The following TOP3B variants were observed in gnomAD, a reference collection of about 807,000 sequenced individuals.
TOP3B encodes the protein DNA topoisomerase 3-beta-1.
In TOP3B, 45 loss-of-function variants were observed where a neutral mutation model predicts 93.9. That is an observed-to-expected ratio of 0.48 (90% confidence interval 0.38 to 0.61). The LOEUF (loss-of-function observed/expected upper bound fraction) is 0.61. Among genes scored for constraint, TOP3B ranks in the 20% least tolerant of loss-of-function variants. The probability of loss-of-function intolerance (pLI) is 0.00; values close to 1 mark genes in which losing one functional copy is unlikely to be tolerated. For missense variants in TOP3B, 750 were observed against 1,156.1 expected (o/e 0.65, Z 5.09); for synonymous variants, 357 against 472.6 (o/e 0.76, Z 3.17).
At chr22:21,960,084 G>A (rs901791975) in intron 14 of TOP3B, 14 of 668,160 alleles carry the variant, frequency 2.1e-5, no homozygotes, top group Admixed American at 8.9e-5. Context: ...AGGCAACTTC[G>A]CCTCCCTTTT....
chr22:21,972,321 A>G (rs923886570), intron 4 of TOP3B: 1 of 461,668 alleles, frequency 2.2e-6, no homozygotes, highest in South Asian at 3.9e-5. Flanking sequence ...AATTTTCCAT[A>G]ATCTGTATGC....
At position 21,965,297 on chromosome 22, in the gene TOP3B, TG is replaced by T; in HGVS notation, c.930del (p.Ser311AlafsTer40). Reference protein sequence around the residue: ...ALNTVEMLRVASSSLGMGPQH... With the variant: ...ALNTVEMLRVXSSSLGMGPQH... ...TGTCCCTACATACCCAGAGAAGAGCTGGCCACACGCAGCATCTCCACAGTGT... is the reference window on the plus strand; with the variant it reads ...TGTCCCTACATACCCAGAGAAGAGCTGCCACACGCAGCATCTCCACAGTGT... On this transcript the variant is annotated frameshift_variant, in exon 9 of 18. Transcript: ENST00000357179. LOFTEE classifies it high-confidence loss of function. 6.3e-7 allele frequency: 1 copy of T among 1,597,168 alleles called. No individual in the cohort carries two copies. The highest frequency in any genetic ancestry group is 1.1e-5 in the South Asian group (1 of 88,624).
intron 1 of TOP3B, chr22:21,982,471 A>T (rs1054407472): frequency 6.6e-6 from 1 of 152,194 alleles, no homozygotes; most frequent in Non-Finnish European, 1.5e-5. Flanking sequence ...TTCGAAGAAG[A>T]AAAGTATTAA....
At position 21,958,500 on chromosome 22, in the gene TOP3B, A is replaced by G; in HGVS notation, c.2099T>C (p.Met700Thr). The G allele has an allele frequency of 6.2e-7, 1 of 1,613,764 alleles. No homozygotes were observed. Among genetic ancestry groups the G allele is most frequent in the Non-Finnish European group, 8.5e-7 (1 of 1,179,958 alleles). Residue 700 changes from methionine to threonine, a missense_variant, in exon 17 of 18, where the codon ATG becomes ACG. Met to Thr is a moderately conservative substitution (Grantham distance 81). Transcript: ENST00000357179. ...GGAGTGGCTGCACTCACCTTTCTTC[A>G]TGTCTCGGAAGGGTGGGTGGTTGTA... ...YCYNHPPFRDMKKGMGCNECT... is the reference protein window; with the variant it reads ...YCYNHPPFRDTKKGMGCNECT...
chr22:21,959,135 G>T lies in TOP3B; in HGVS notation c.1902C>A (p.Ile634=), dbSNP rs767481149. 3 of 1,613,814 alleles carry T rather than the reference G, an allele frequency of 1.9e-6. No individual in the cohort carries two copies. Among genetic ancestry groups the T allele is most frequent in the Non-Finnish European group, 1.7e-6 (2 of 1,180,000 alleles). ...CGKCHRFMKY[I]QAKPSRLHCS... ...AGCTAGTGTTCCCTGCACCTACCTGGATGTACTTCATGAAGCGGTGGCACT... is the reference window on the plus strand; with the variant it reads ...AGCTAGTGTTCCCTGCACCTACCTGTATGTACTTCATGAAGCGGTGGCACT... Residue 634 remains isoleucine, a synonymous_variant, in exon 16 of 18, where the codon ATC becomes ATA. Coordinates refer to ENST00000357179, the MANE Select transcript of TOP3B (RefSeq NM_001282112.2).
chr22:21,969,927 A>T (rs2071563938), intron 6 of TOP3B: 1 of 306,582 alleles, frequency 3.3e-6, no homozygotes, highest in Non-Finnish European at 6.0e-6. Context: ...TCTCAAAAAA[A>T]TAATTTTTTT....
At chr22:21,980,928 G>C (rs1420759962) in intron 1 of TOP3B, among the ~76,000 whole-genome samples, 2 of 152,214 alleles carry the variant, frequency 1.3e-5, no homozygotes, top group East Asian at 3.8e-4. Flanking sequence ...AGGTGATTAT[G>C]ACTGGCCTCT....
intron 17 of TOP3B, chr22:21,957,869 C>T: frequency 6.6e-7 from 1 of 1,519,838 alleles, no homozygotes; most frequent in Middle Eastern, 1.7e-4. Context: ...GCTTTGCTGC[C>T]AGCTTGTTAC....
chr22:21,977,691 G>A (rs529812660), intron 1 of TOP3B: 1 of 152,170 alleles, frequency 6.6e-6, no homozygotes, highest in African/African-American at 2.4e-5. Context: ...CAGCAGATGA[G>A]GGCATGGGGA....
Position 21,964,265 on chromosome 22 carries a change from C to T in TOP3B, c.994G>A (p.Gly332Ser). ...TCTGTCCGTGGGTAGCTGATGTAGC[C>T]TTGCGTGTAGAGCCGCTCAGCCGTC... ...MQTAERLYTQGYISYPRTETT... is the reference protein window; with the variant it reads ...MQTAERLYTQSYISYPRTETT... Residue 332 changes from glycine to serine, a missense_variant, in exon 10 of 18, where the codon GGC becomes AGC. Physicochemically the swap from Gly to Ser is moderately conservative, Grantham distance 56 (BLOSUM62 0). This residue lies in a region of TOP3B where 737 missense variants were observed against 933.7 expected (regional missense o/e 0.79). Transcript: ENST00000357179. 6.2e-7 allele frequency: 1 copy of T among 1,614,136 alleles called. No individual in the cohort carries two copies.
In TOP3B at chr22:21,962,744, G is replaced by A. The variant is rs202084403; in HGVS notation, c.1351+3C>T. The A allele has an allele frequency of 3.1e-6, 5 of 1,614,142 alleles. No homozygotes were observed. The highest frequency in any genetic ancestry group is 3.3e-4 in the Middle Eastern group (2 of 6,062). ...AGGAGGAAGGCTGGGCCCGTGGTGT[G>A]ACCTGGTGAGAGGACGGTCTTCCCG... On this transcript the variant is annotated splice_donor_region_variant and intron_variant, in intron 12 of 17. Transcript: ENST00000357179.
rs2071622927 is a variant in TOP3B, at chr22:21,971,173, T to C, written c.384+704A>G. On this transcript the variant is annotated intron_variant, in intron 5 of 17. Transcript: ENST00000357179. This position sits in a 1 kb window ranked among gnomAD's most constrained non-coding sequence, Gnocchi z 4.6. ...AGAGGGTATCTGGGAAGAGACAGAG[T>C]GTGATCGCATTTGCTGAGGGTGCTG... 2 of 651,676 alleles carry C rather than the reference T, an allele frequency of 3.1e-6. No individual in the cohort carries two copies. Among genetic ancestry groups the C allele is most frequent in the South Asian group, 3.4e-5 (2 of 59,308 alleles). 40.4% of individuals were successfully genotyped at this position (651,676 alleles called of 1,614,324 possible).
chr22:21,979,139 A>T (rs762956679), intron 1 of TOP3B, among the ~76,000 whole-genome samples: 14 of 152,020 alleles, frequency 9.2e-5, no homozygotes, highest in Non-Finnish European at 1.9e-4. Context: ...GGGAGAGTCC[A>T]GGTGAGTAGG....
intron 8 of TOP3B, 24 bp from the exon 9 acceptor site, chr22:21,965,399 T>C (rs1339023679): frequency 1.3e-6 from 2 of 1,549,176 alleles, no homozygotes; most frequent in South Asian, 1.2e-5. Flanking sequence ...CAGTCAATGA[T>C]TTGGGGAAGG....
At chr22:21,972,956 C>A in intron 3 of TOP3B, 2 of 507,782 alleles carry the variant, frequency 3.9e-6, no homozygotes, top group South Asian at 4.1e-5. Flanking sequence ...CACACCCCGG[C>A]CAACCACAGG....
chr22:21,971,192 G>C lies in TOP3B; in HGVS notation c.384+685C>G. ...ACAGAGTGTGATCGCATTTGCTGAGGGTGCTGTACTGCAACGCCAGGTGCC... is the reference window on the plus strand; with the variant it reads ...ACAGAGTGTGATCGCATTTGCTGAGCGTGCTGTACTGCAACGCCAGGTGCC... On this transcript the variant is annotated intron_variant, in intron 5 of 17. Transcript: ENST00000357179. This position sits in a 1 kb window ranked among gnomAD's most constrained non-coding sequence, Gnocchi z 4.6. 1 of 502,612 alleles carries C rather than the reference G, an allele frequency of 2.0e-6. No individual in the cohort carries two copies. Among genetic ancestry groups the C allele is most frequent in the Non-Finnish European group, 3.2e-6 (1 of 309,378 alleles). The allele number at this position is 502,612 out of a possible 1,614,324, so 31.1% of individuals were successfully genotyped here.
In TOP3B at chr22:21,958,404, C is replaced by T. The variant is rs781340721; in HGVS notation, c.2107+88G>A. The T allele has an allele frequency of 6.9e-6, 11 of 1,597,278 alleles. No homozygotes were observed. The South Asian group carries it at 1.2e-4, about 18-fold the overall frequency. On this transcript the variant is annotated intron_variant, in intron 17 of 17. Coordinates refer to ENST00000357179, the MANE Select transcript of TOP3B (RefSeq NM_001282112.2). ...CAGGAAAGGCCAGGGTGAGGGGTCCCCTCAGAGTCCAGCCTGGTGCAAGGC... is the reference window on the plus strand; with the variant it reads ...CAGGAAAGGCCAGGGTGAGGGGTCCTCTCAGAGTCCAGCCTGGTGCAAGGC...
intron 7 of TOP3B, chr22:21,968,365 G>C: frequency 4.1e-6 from 2 of 490,678 alleles, no homozygotes; most frequent in Middle Eastern, 5.4e-4. Flanking sequence ...CCTGTGGGGT[G>C]ACCTCACCCT....
At position 21,968,666 on chromosome 22, in the gene TOP3B, TATC is replaced by T; in HGVS notation, c.688_690del (p.Asp230del). The T allele has an allele frequency of 6.2e-7, 1 of 1,614,198 alleles. No homozygotes were observed. Among genetic ancestry groups the T allele is most frequent in the East Asian group, 2.2e-5 (1 of 44,884 alleles). On this transcript the variant is annotated inframe_deletion, in exon 7 of 18. Coordinates refer to ENST00000357179, the MANE Select transcript of TOP3B (RefSeq NM_001282112.2). ...GTCTCTGGTTTGAAGGACTGGATTT[TATC>T]ATGTCTCTCCACACAGAATCCCAGG...
Sources: gnomAD v4.1 joint callset for allele counts (sites outside exome capture counted in the v4.1 genomes callset) on GRCh38, gnomAD v4.1.1 for gene constraint, gnomAD v4.1.1 regional missense constraint, Gnocchi (gnomAD v3.1) non-coding constraint, MANE v1.5 for transcripts, NCBI Gene and HGNC (gene_info 2026-07-23, HGNC 2026-07-21) for gene names.